The following CLUAP1 variants were observed in gnomAD, a reference collection of about 807,000 sequenced individuals.
CLUAP1 encodes the protein intraflagellar transport 38.
A neutral mutation model predicts 55.0 loss-of-function variants in CLUAP1; 50 were observed. The observed-to-expected ratio is 0.91, with a 90% CI of 0.72 to 1.15. CLUAP1 has a LOEUF of 1.15. CLUAP1 is among the 50% of genes most tolerant of loss of function. The pLI is 0.00. For missense variants in CLUAP1, 530 were observed against 507.6 expected, an observed-to-expected ratio of 1.04 and a Z score of -0.42; for synonymous variants, 195 against 175.4, an observed-to-expected ratio of 1.11 and a Z score of -0.88.
chr16:3,525,425 C>T (rs998006201), intron 8 of CLUAP1, among the ~76,000 whole-genome samples: 2 of 152,152 alleles, frequency 1.3e-5, no homozygotes, highest in Non-Finnish European at 2.9e-5. Context: ...CACTCTCGCT[C>T]TCTGTCGTTA....
intron 3 of CLUAP1, 131 bp downstream of exon 3, chr16:3,506,546 T>C (rs2037510604): frequency 2.7e-6 from 2 of 731,020 alleles, no homozygotes; most frequent in Non-Finnish European, 4.6e-6. Context: ...TCTCATTCTC[T>C]CGCCCAGGCC....
chr16:3,536,221 C>T lies in CLUAP1; in HGVS notation c.1192C>T (p.Arg398Ter). 1 of 1,614,138 alleles carries T rather than the reference C, an allele frequency of 6.2e-7. No homozygotes were observed. The change falls in exon 12 of 12, where the codon CGA (arginine) becomes TGA (stop). Residue 398 changes from arginine to a stop codon, truncating the protein, a stop_gained. Coordinates refer to ENST00000576634, the MANE Select transcript of CLUAP1 (RefSeq NM_015041.3). LOFTEE classifies it high-confidence loss of function. ...SISLSPTKPN[R>*]RVRKSEPLDE... ...TTCTCTCTCACCAACCAAGCCCAAT[C>T]GAAGGGTCCGGAAATCTGAACCCCT... is the stretch of plus-strand genomic sequence containing the variant.
intron 9 of CLUAP1, among the ~76,000 whole-genome samples, chr16:3,527,978 C>T (rs142946772): frequency 2.0e-5 from 3 of 152,318 alleles, no homozygotes; most frequent in East Asian, 1.9e-4. Flanking sequence ...TCAGTCTCCA[C>T]GTCTTCGTGG....
At chr16:3,513,852 C>CT (rs2037681059) in intron 5 of CLUAP1, among the ~76,000 whole-genome samples, 1 of 152,210 alleles carries the variant, frequency 6.6e-6, no homozygotes, top group African/African-American at 2.4e-5. Context: ...CTTTCATTCA[C>CT]TTCCTAGCAA....
At position 3,515,491 on chromosome 16, in the gene CLUAP1, AT is replaced by A; in HGVS notation, c.496-13del. Reference sequence around the variant, plus strand: ...CCTTTTCTGAAAATATACGTAAATGATTTTACTGTTTCCTAGGAAATGAGAA... The same window carrying A: ...CCTTTTCTGAAAATATACGTAAATGATTTACTGTTTCCTAGGAAATGAGAA... On this transcript the variant is annotated splice_polypyrimidine_tract_variant and intron_variant, in intron 5 of 11. Transcript: ENST00000576634. 6.4e-7 allele frequency: 1 copy of A among 1,558,722 alleles called. No homozygotes were observed. Among genetic ancestry groups the A allele is most frequent in the Non-Finnish European group, 8.7e-7 (1 of 1,144,582 alleles).
chr16:3,511,075 A>C (rs1461920671), intron 4 of CLUAP1, among the ~76,000 whole-genome samples: 1 of 152,206 alleles, frequency 6.6e-6, no homozygotes, highest in African/African-American at 2.4e-5. Flanking sequence ...AGACTCCTGC[A>C]AAGAAGTTTG....
At position 3,537,705 on chromosome 16, in the gene CLUAP1, A is replaced by T. The variant is rs1482704150; in HGVS notation, c.*1434A>T. 6.6e-6 allele frequency: 1 copy of T among 151,902 alleles called. No homozygotes were observed. Among genetic ancestry groups the T allele is most frequent in the Non-Finnish European group, 1.5e-5 (1 of 68,092 alleles). 9.4% of individuals were successfully genotyped at this position (151,902 alleles called of 1,614,324 possible). ...AAAAGAAAAGCACGCTGCTTGTAAA[A>T]AGCGTACAGTAGGTCAGGCGTGGTG... On this transcript the variant is annotated 3_prime_UTR_variant, in exon 12 of 12. Coordinates refer to ENST00000576634, the MANE Select transcript of CLUAP1 (RefSeq NM_015041.3).
upstream of CLUAP1, among the ~76,000 whole-genome samples, chr16:3,498,397 A>C (rs2037335437): frequency 6.6e-6 from 1 of 152,154 alleles, no homozygotes; most frequent in Non-Finnish European, 1.5e-5. Flanking sequence ...ATCCCAGTCA[A>C]GTTGACACAC....
intron 5 of CLUAP1, 136 bp from the exon 6 acceptor site, chr16:3,515,372 C>A: frequency 1.6e-6 from 1 of 607,924 alleles, no homozygotes; most frequent in South Asian, 2.0e-5. Flanking sequence ...GTGATGGTGG[C>A]AGTGTTTTTG....
intron 10 of CLUAP1, among the ~76,000 whole-genome samples, chr16:3,532,053 G>C (rs2038131713): frequency 6.6e-6 from 1 of 152,024 alleles, no homozygotes; most frequent in Non-Finnish European, 1.5e-5. Flanking sequence ...TGGCCAGGCT[G>C]GTCTCGAACT....
chr16:3,512,125 G>C (rs1044577829), intron 4 of CLUAP1, among the ~76,000 whole-genome samples: 2 of 149,992 alleles, frequency 1.3e-5, no homozygotes, highest in Non-Finnish European at 3.0e-5. Flanking sequence ...GGTGGAGATT[G>C]CGGTGAGCCG....
chr16:3,508,928 C>T (rs780512674), intron 4 of CLUAP1, among the ~76,000 whole-genome samples: 6 of 139,502 alleles, frequency 4.3e-5, no homozygotes, highest in South Asian at 2.2e-4. Flanking sequence ...GTGAGTTGTG[C>T]GGGTGGCGGG....
At chr16:3,523,776 C>G (rs1470744828) in intron 8 of CLUAP1, among the ~76,000 whole-genome samples, 1 of 151,994 alleles carries the variant, frequency 6.6e-6, no homozygotes, top group Non-Finnish European at 1.5e-5. Flanking sequence ...ACCAGCCTGG[C>G]CAACATGGTG....
At chr16:3,529,194 A>G (rs1009369695) in intron 9 of CLUAP1, among the ~76,000 whole-genome samples, 9 of 151,330 alleles carry the variant, frequency 5.9e-5, no homozygotes, top group South Asian at 2.1e-4. Context: ...CATAATGCCT[A>G]TACATCACTT....
At chr16:3,520,066 A>T (rs375472624) in intron 7 of CLUAP1, 30 bp downstream of exon 7, 22 of 1,581,026 alleles carry the variant, frequency 1.4e-5, no homozygotes, top group Non-Finnish European at 1.8e-5. Flanking sequence ...GAATGAGTAG[A>T]AAGATGTCCT....
chr16:3,532,877 T>G (rs1567442935), intron 11 of CLUAP1, 36 bp downstream of exon 11: 1 of 1,610,906 alleles, frequency 6.2e-7, no homozygotes, highest in African/African-American at 1.3e-5. Flanking sequence ...TTCTGTGCAC[T>G]CTGGGTTTGG....
chr16:3,533,444 C>T (rs1485498221), intron 11 of CLUAP1: 1 of 452,772 alleles, frequency 2.2e-6, no homozygotes, highest in African/African-American at 2.0e-5. Flanking sequence ...AACCCCCCTC[C>T]CTGTTCTGTG....
chr16:3,495,909 G>A, the CLUAP1 span, among the ~76,000 whole-genome samples: 2 of 152,128 alleles, frequency 1.3e-5, no homozygotes, highest in Admixed American at 6.5e-5. Flanking sequence ...GGGAGGCCGG[G>A]GTGGGCGGAT....
At chr16:3,535,863 C>A (rs779556232) in intron 11 of CLUAP1, 2 of 469,072 alleles carry the variant, frequency 4.3e-6, no homozygotes, top group African/African-American at 1.9e-5. Flanking sequence ...GCTTCTTAGA[C>A]GCTGCGGGAA....
Sources: gnomAD v4.1 joint callset for allele counts (sites outside exome capture counted in the v4.1 genomes callset) on GRCh38, gnomAD v4.1.1 for gene constraint, MANE v1.5 for transcripts, NCBI Gene and HGNC (gene_info 2026-07-23, HGNC 2026-07-21) for gene names.